The following APOD variants were observed in gnomAD, a reference collection of about 807,000 sequenced individuals.
APOD encodes apo-D.
APOD carries 22 observed loss-of-function variants against 20.4 expected under a neutral mutation model. The ratio of observed to expected loss-of-function variants is 1.08; its 90% CI spans 0.77 to 1.54. The LOEUF is 1.54. APOD is among the 40% of genes most tolerant of loss of function. The probability of loss-of-function intolerance (pLI) is 0.00; values close to 1 mark genes in which losing one functional copy is unlikely to be tolerated. For missense variants in APOD, 223 were observed against 229.6 expected (o/e 0.97, Z 0.19); for synonymous variants, 97 against 92.4 (o/e 1.05, Z -0.29).
intron 2 of APOD, among the ~76,000 whole-genome samples, chr3:195,578,413 TATG>T (rs1453276048): frequency 2.0e-5 from 3 of 152,128 alleles, no homozygotes; most frequent in African/African-American, 7.2e-5. Flanking sequence ...GGTGCGAGTG[TATG>T]ATAACAACTT....
At position 195,568,957 on chromosome 3, in the gene APOD, G is replaced by T. The variant is rs1720108107; in HGVS notation, c.513C>A (p.Asn171Lys). Residue 171 changes from asparagine to lysine, a missense_variant, in exon 5 of 5, where the codon AAC becomes AAA. Transcript: ENST00000343267. ...DSLKNILTSN[N>K]IDVKKMTVTD... ...TGACCGTCATTTTCTTGACATCAATGTTATTAGAAGTCAGGATATTTTTTA... is the reference window on the plus strand; with the variant it reads ...TGACCGTCATTTTCTTGACATCAATTTTATTAGAAGTCAGGATATTTTTTA... 1 of 1,614,008 alleles carries T rather than the reference G, an allele frequency of 6.2e-7. No homozygotes were observed. Among genetic ancestry groups the T allele is most frequent in the Non-Finnish European group, 8.5e-7 (1 of 1,180,014 alleles).
intron 1 of APOD, chr3:195,582,787 G>C (rs1720361926): frequency 6.6e-6 from 1 of 152,084 alleles, no homozygotes; most frequent in Admixed American, 6.6e-5. Flanking sequence ...ACAAAAATTA[G>C]CTGGGCATGG....
At chr3:195,580,368 C>CTTTCTTTCTT (rs1720315501) in intron 1 of APOD, among the ~76,000 whole-genome samples, 1 of 140,642 alleles carries the variant, frequency 7.1e-6, no homozygotes. Flanking sequence ...TTTCTTTCTT[C>CTTTCTTTCTT]TTTTTTTTTT....
At chr3:195,570,478 C>G (rs1201338297) in intron 4 of APOD, 2 of 152,200 alleles carry the variant, frequency 1.3e-5, no homozygotes, top group East Asian at 3.8e-4. Flanking sequence ...CCCAGCATTC[C>G]TTTCTTGGTC....
At position 195,571,304 on chromosome 3, in the gene APOD, C is replaced by T. The variant is rs780002417; in HGVS notation, c.307G>A (p.Ala103Thr). Residue 103 changes from alanine to threonine, a missense_variant, in exon 4 of 5, where the codon GCC becomes ACC. Ala to Thr is a moderately conservative substitution (Grantham distance 58, BLOSUM62 0). Transcript: ENST00000343267. ...CAGGAAAACTTAACTTCCAGCTTGG[C>T]AGGCTCTGTGAGGTTAACTGGGGTG... The part of the protein sequence containing the change: ...EATPVNLTEP[A>T]KLEVKFSWFM... 6.2e-7 allele frequency: 1 copy of T among 1,614,100 alleles called. No homozygotes were observed. Among genetic ancestry groups the T allele is most frequent in the Non-Finnish European group, 8.5e-7 (1 of 1,180,010 alleles).
chr3:195,572,884 G>A (rs1043522544), intron 3 of APOD, among the ~76,000 whole-genome samples: 21 of 152,248 alleles, frequency 1.4e-4, no homozygotes, highest in African/African-American at 5.1e-4. Context: ...AAGTCAGTAG[G>A]TTAATGCTAT....
chr3:195,580,192 T>A (rs373521693), intron 1 of APOD, among the ~76,000 whole-genome samples: 59 of 152,278 alleles, frequency 3.9e-4, no homozygotes, highest in African/African-American at 1.3e-3. Context: ...ATAATTATCA[T>A]TCCTAGCTCA....
intron 3 of APOD, 65 bp downstream of exon 3, chr3:195,573,785 C>A: frequency 6.3e-7 from 1 of 1,576,890 alleles, no homozygotes; most frequent in South Asian, 1.2e-5. Flanking sequence ...CCCAGGCTGC[C>A]GGACACCCAG....
rs558866313 is a variant in APOD at position 195,572,567 on chromosome 3, A to G, written c.246-1202T>C. ...GGCCCCATGAACTTGGGAGAAGGGG[A>G]AAGGTGTGGAGATGGAGGCACCAAA... On this transcript the variant is annotated intron_variant, in intron 3 of 4. Coordinates refer to ENST00000343267, the MANE Select transcript of APOD (RefSeq NM_001647.4). Among the ~76,000 whole-genome samples the G allele has an allele frequency of 6.6e-5, 10 of 152,234 alleles. No homozygotes were observed. In the East Asian group the frequency reaches 1.9e-3, roughly 29 times the overall value.
Position 195,568,778 on chromosome 3 carries a change from T to G in APOD, c.*122A>C. 2.8e-6 allele frequency: 2 copies of G among 717,268 alleles called. No homozygotes were observed. Among genetic ancestry groups the G allele is most frequent in the Non-Finnish European group, 4.9e-6 (2 of 406,908 alleles). The allele number at this position is 717,268 out of a possible 1,614,324, so 44.4% of individuals were successfully genotyped here. A position where few individuals can be genotyped will look rare whatever the true frequency, so the allele number is the denominator to read the frequency against. ...GCTAGCAAGGTAACAGGGTAGGGCA[T>G]GGTTACATGTTCAGGTCAACTTCCT... On this transcript the variant is annotated 3_prime_UTR_variant, in exon 5 of 5. Transcript: ENST00000343267.
chr3:195,575,521 G>A (rs935849662), intron 2 of APOD, among the ~76,000 whole-genome samples: 49 of 152,154 alleles, frequency 3.2e-4, no homozygotes, highest in African/African-American at 1.1e-3. Context: ...TTGCTACTGG[G>A]GAGGGAAACT....
intron 3 of APOD, among the ~76,000 whole-genome samples, chr3:195,572,033 A>G (rs1046646361): frequency 6.6e-6 from 1 of 152,220 alleles, no homozygotes; most frequent in Non-Finnish European, 1.5e-5. Context: ...TACCTGCCTC[A>G]GCCTCCCAAA....
intron 2 of APOD, among the ~76,000 whole-genome samples, chr3:195,576,412 A>G (rs1376725032): frequency 6.6e-6 from 1 of 152,274 alleles, no homozygotes; most frequent in Non-Finnish European, 1.5e-5. Flanking sequence ...TGCAGATGAC[A>G]TATAAAATAT....
At chr3:195,581,228 G>A (rs1720333328) in intron 1 of APOD, among the ~76,000 whole-genome samples, 1 of 152,152 alleles carries the variant, frequency 6.6e-6, no homozygotes, top group South Asian at 2.1e-4. Context: ...GGGGGAGATG[G>A]TTGCTGAGGC....
intron 4 of APOD, among the ~76,000 whole-genome samples, chr3:195,570,343 A>G (rs558922570): frequency 3.2e-4 from 49 of 152,328 alleles, no homozygotes; most frequent in African/African-American, 1.2e-3. Flanking sequence ...CTGTGTATAA[A>G]GCCCTTTACA....
intron 2 of APOD, among the ~76,000 whole-genome samples, chr3:195,576,575 C>T (rs919895665): frequency 6.6e-6 from 1 of 152,082 alleles, no homozygotes; most frequent in African/African-American, 2.4e-5. Context: ...TTTGGGAGGC[C>T]GAGGCGGGTG....
At chr3:195,582,303 A>G (rs1481339782) in intron 1 of APOD, among the ~76,000 whole-genome samples, 1 of 152,152 alleles carries the variant, frequency 6.6e-6, no homozygotes, top group Admixed American at 6.5e-5. Flanking sequence ...CTCATTACTT[A>G]TTGAGCATGT....
rs1720306774 is a variant in APOD, at chr3:195,579,902, C to T, written c.-34-407G>A. ...TATGTAAAGTGGGGGATTAAAGCCT[C>T]CAAGTGAACCACGAAAGACACGAAA... On this transcript the variant is annotated intron_variant, in intron 1 of 4. Transcript: ENST00000343267. 3.3e-5 allele frequency among the ~76,000 whole-genome samples: 5 copies of T among 152,176 alleles called. 1 individual carries two copies. Among genetic ancestry groups the T allele is most frequent in the Admixed American group, 2.6e-4 (4 of 15,278 alleles).
At chr3:195,578,294 G>A (rs1345191634) in intron 2 of APOD, among the ~76,000 whole-genome samples, 2 of 152,244 alleles carry the variant, frequency 1.3e-5, no homozygotes, top group East Asian at 1.9e-4. Context: ...GTAGACGTTA[G>A]TGTACTCTAT....
Sources: gnomAD v4.1 joint callset for allele counts (sites outside exome capture counted in the v4.1 genomes callset) on GRCh38, gnomAD v4.1.1 for gene constraint, MANE v1.5 for transcripts, NCBI Gene and HGNC (gene_info 2026-07-23, HGNC 2026-07-21) for gene names.